SLC25A48: variants seen among roughly 807,000 people sequenced by gnomAD.
SLC25A48 encodes solute carrier family 25 member 48, also known as CTC-321K16.1.
Under a neutral mutation model 32.2 loss-of-function variants are expected in SLC25A48, and 29 were observed. The ratio of observed to expected loss-of-function variants is 0.90; its 90% CI spans 0.67 to 1.23. The LOEUF (loss-of-function observed/expected upper bound fraction) is 1.23, where lower values mean the gene tolerates loss of function less well. Ranked by LOEUF, SLC25A48 falls within the 50% of genes most tolerant of loss-of-function variation. The pLI is 0.00. For missense variants in SLC25A48, 399 were observed against 422.7 expected (o/e 0.94, Z 0.49); for synonymous variants, 164 against 172.3 (o/e 0.95, Z 0.38).
intron 3 of SLC25A48, among the ~76,000 whole-genome samples, chr5:135,683,006 G>A (rs13161445): frequency 0.068 from 10,398 of 152,194 alleles, 404 homozygotes; most frequent in Admixed American, 0.093. Context: ...GTCACTGGAT[G>A]GCTGTGGCTG....
At chr5:135,681,003 G>C (rs1185950792) in intron 3 of SLC25A48, among the ~76,000 whole-genome samples, 1 of 149,060 alleles carries the variant, frequency 6.7e-6, no homozygotes, top group Admixed American at 6.7e-5. Context: ...TCCTTTTTTT[G>C]AGATGGAGTT....
At chr5:135,647,372 C>G (rs542660522) in intron 3 of SLC25A48, among the ~76,000 whole-genome samples, 22 of 152,188 alleles carry the variant, frequency 1.4e-4, no homozygotes, top group African/African-American at 5.1e-4. Context: ...TGTAAGAATC[C>G]CAGGGACAGG....
intron 3 of SLC25A48, among the ~76,000 whole-genome samples, chr5:135,792,304 A>T (rs1264842144): frequency 2.6e-4 from 39 of 151,524 alleles, no homozygotes; most frequent in Non-Finnish European, 3.0e-5. Context: ...AGCTAGGGGG[A>T]TATTATCTCT....
intron 4 of SLC25A48, among the ~76,000 whole-genome samples, chr5:135,861,716 G>A (rs1022113921): frequency 1.1e-4 from 17 of 152,260 alleles, no homozygotes; most frequent in African/African-American, 3.6e-4. Flanking sequence ...TTTATTTAGG[G>A]TTATTTCCCT....
At chr5:135,720,738 A>G (rs1429040216) in intron 3 of SLC25A48, among the ~76,000 whole-genome samples, 1 of 152,162 alleles carries the variant, frequency 6.6e-6, no homozygotes, top group Non-Finnish European at 1.5e-5. Context: ...GAAGAGAGGA[A>G]CATAAGCCAG....
rs576312305 is a variant in SLC25A48 at position 135,594,878 on chromosome 5, G to T, written c.-849+15281G>T. The stretch of plus-strand genomic sequence containing the variant: ...GGTAAGCCTTTTTGTCTTCCTGTTA[G>T]GCAGGAGGCCCAATGATCATGATGC... On this transcript the variant is annotated intron_variant, in intron 1 of 10. Transcript: ENST00000646290. 8.5e-5 allele frequency among the ~76,000 whole-genome samples: 13 copies of T among 152,286 alleles called. No homozygotes were observed. In the East Asian group the frequency reaches 2.5e-3, roughly 29 times the overall value.
chr5:135,634,426 G>A (rs1032084195), intron 2 of SLC25A48, among the ~76,000 whole-genome samples: 7 of 152,208 alleles, frequency 4.6e-5, no homozygotes, highest in African/African-American at 1.7e-4. Context: ...TGGGGCCATG[G>A]GACTCCTAAG....
intron 2 of SLC25A48, among the ~76,000 whole-genome samples, chr5:135,849,918 T>C (rs1759705621): frequency 6.6e-6 from 1 of 152,094 alleles, no homozygotes; most frequent in Middle Eastern, 3.2e-3. Flanking sequence ...CACTGGAGGC[T>C]TCATTGACCT....
At chr5:135,798,443 A>G (rs1253863552) in intron 3 of SLC25A48, among the ~76,000 whole-genome samples, 2 of 151,686 alleles carry the variant, frequency 1.3e-5, no homozygotes, top group Non-Finnish European at 2.9e-5. Context: ...GGAGAAAATG[A>G]TATTACTCCC....
At chr5:135,679,004 C>G (rs909646122) in intron 3 of SLC25A48, among the ~76,000 whole-genome samples, 1 of 152,128 alleles carries the variant, frequency 6.6e-6, no homozygotes, top group African/African-American at 2.4e-5. Context: ...TGGGTTAGTT[C>G]TTAGGTCTGC....
intron 7 of SLC25A48, 142 bp from the exon 8 acceptor site, chr5:135,887,890 A>G (rs1353833201): frequency 3.9e-6 from 3 of 766,808 alleles, no homozygotes; most frequent in Non-Finnish European, 6.5e-6. Flanking sequence ...CAGCTTCCAC[A>G]AGAATCAAGT....
intron 3 of SLC25A48, chr5:135,742,529 C>G (rs1375886793): frequency 3.5e-5 from 52 of 1,482,310 alleles, no homozygotes; most frequent in Non-Finnish European, 4.7e-5. Context: ...ACTGCCTTTC[C>G]CAAACAATAC....
intron 3 of SLC25A48, among the ~76,000 whole-genome samples, chr5:135,757,437 A>G (rs1301246311): frequency 6.7e-6 from 1 of 149,230 alleles, no homozygotes; most frequent in African/African-American, 2.4e-5. Flanking sequence ...AATATCATCT[A>G]TATATTTATG....
intron 4 of SLC25A48, among the ~76,000 whole-genome samples, chr5:135,871,169 C>G (rs1455362191): frequency 6.6e-6 from 1 of 151,538 alleles, no homozygotes; most frequent in Non-Finnish European, 1.5e-5. Flanking sequence ...ATAATTGATT[C>G]TAGACATTCT....
intron 4 of SLC25A48, among the ~76,000 whole-genome samples, chr5:135,828,427 C>A (rs1758121072): frequency 6.6e-6 from 1 of 152,226 alleles, no homozygotes; most frequent in Admixed American, 6.5e-5. Flanking sequence ...TCACCCCCAT[C>A]TTACAGAGGA....
intron 3 of SLC25A48, among the ~76,000 whole-genome samples, chr5:135,762,907 T>A (rs192568204): frequency 5.3e-5 from 8 of 152,082 alleles, no homozygotes; most frequent in Admixed American, 5.2e-4. Context: ...TGTGAATGTG[T>A]GTTTGTGTGG....
intron 4 of SLC25A48, among the ~76,000 whole-genome samples, chr5:135,865,078 C>A (rs1360944326): frequency 1.3e-5 from 2 of 152,234 alleles, no homozygotes; most frequent in Non-Finnish European, 2.9e-5. Context: ...TCAATATTCC[C>A]TTTTCATGTT....
chr5:135,654,509 C>T, intron 3 of SLC25A48, among the ~76,000 whole-genome samples: 1 of 152,132 alleles, frequency 6.6e-6, no homozygotes, highest in East Asian at 1.9e-4. Context: ...TTCTCTGCAT[C>T]TCATGGTGGG....
chr5:135,797,164 TGAA>T (rs941086411), intron 3 of SLC25A48, among the ~76,000 whole-genome samples: 14 of 151,568 alleles, frequency 9.2e-5, no homozygotes, highest in African/African-American at 2.7e-4. Flanking sequence ...TATCCAGGGG[TGAA>T]GAAGATGATA....
Sources: gnomAD v4.1 joint callset for allele counts (sites outside exome capture counted in the v4.1 genomes callset) on GRCh38, gnomAD v4.1.1 for gene constraint, MANE v1.5 for transcripts, NCBI Gene and HGNC (gene_info 2026-07-23, HGNC 2026-07-21) for gene names.